SLC9C1: variants seen among roughly 807,000 people sequenced by gnomAD.
The protein encoded by SLC9C1 is solute carrier family 9 member C1.
In SLC9C1, 97 loss-of-function variants were observed where a neutral mutation model predicts 140.9. The ratio of observed to expected loss-of-function variants is 0.69; its 90% CI spans 0.58 to 0.82. The LOEUF is 0.82. Ranked by LOEUF, SLC9C1 falls within the 40% of genes least tolerant of loss-of-function variation. SLC9C1 has a pLI of 0.00. For missense variants in SLC9C1, 1,340 were observed against 1,389.3 expected, an observed-to-expected ratio of 0.96 and a Z score of 0.56; for synonymous variants, 440 against 442.6, an observed-to-expected ratio of 0.99 and a Z score of 0.07.
chr3:112,163,281 C>T (rs1266423241), intron 26 of SLC9C1, among the ~76,000 whole-genome samples: 1 of 147,018 alleles, frequency 6.8e-6, no homozygotes, highest in African/African-American at 2.5e-5. Context: ...TTCAGTTCTG[C>T]TCTGATTTTA....
At chr3:112,166,159 G>GC (rs2077130057) in intron 26 of SLC9C1, among the ~76,000 whole-genome samples, 1 of 152,174 alleles carries the variant, frequency 6.6e-6, no homozygotes, top group Non-Finnish European at 1.5e-5. Flanking sequence ...TTTTCCAGGC[G>GC]CCGTCTGTCA....
At chr3:112,228,771 G>T (rs183694412) in intron 13 of SLC9C1, among the ~76,000 whole-genome samples, 1 of 151,970 alleles carries the variant, frequency 6.6e-6, no homozygotes, top group Admixed American at 6.6e-5. Flanking sequence ...CGGTCAACAA[G>T]CACATAAAAA....
intron 16 of SLC9C1, 61 bp downstream of exon 16, chr3:112,208,117 G>T: frequency 1.5e-6 from 2 of 1,313,214 alleles, no homozygotes; most frequent in Non-Finnish European, 2.1e-6. Context: ...TGAAAAACAA[G>T]GCTAGGAAAT....
intron 28 of SLC9C1, among the ~76,000 whole-genome samples, chr3:112,150,433 G>T (rs912907381): frequency 6.6e-6 from 1 of 152,060 alleles, no homozygotes; most frequent in African/African-American, 2.4e-5. Flanking sequence ...ATATACTGGG[G>T]CTTCACTCAC....
intron 10 of SLC9C1, among the ~76,000 whole-genome samples, chr3:112,253,760 G>T (rs1023216972): frequency 6.6e-6 from 1 of 152,148 alleles, no homozygotes; most frequent in African/African-American, 2.4e-5. Context: ...CTCCGACATG[G>T]GTTCTTAACC....
intron 7 of SLC9C1, among the ~76,000 whole-genome samples, chr3:112,267,345 G>A (rs1363809576): frequency 6.6e-6 from 1 of 152,058 alleles, no homozygotes; most frequent in Non-Finnish European, 1.5e-5. Flanking sequence ...GGGAGGCCAA[G>A]GCGGGTGGAT....
intron 2 of SLC9C1, among the ~76,000 whole-genome samples, chr3:112,285,793 A>G (rs889865453): frequency 7.3e-5 from 11 of 151,644 alleles, no homozygotes; most frequent in African/African-American, 2.2e-4. Context: ...TTGAGATAGG[A>G]TCTAGCTCTG....
Position 112,202,325 on chromosome 3 carries a change from T to C in SLC9C1, c.2247A>G (p.Leu749=). 1 of 1,611,252 alleles carries C rather than the reference T, an allele frequency of 6.2e-7. No individual in the cohort carries two copies. The highest frequency in any genetic ancestry group is 8.5e-7 in the Non-Finnish European group (1 of 1,178,824). Residue 749 remains leucine (L), a synonymous_variant, in exon 18 of 29, where the codon CTA becomes CTG. Coordinates refer to ENST00000305815, the MANE Select transcript of SLC9C1 (RefSeq NM_183061.3). ...SHQKTFWYGI[L]KGYVQGEADI... is the part of the protein sequence containing the mutation. ...CTGCTTCGCCTTGGACATAGCCTTTTAGTATTCCATACCAAAAGGTCTTCT... is the reference window on the plus strand; with the variant it reads ...CTGCTTCGCCTTGGACATAGCCTTTCAGTATTCCATACCAAAAGGTCTTCT...
At chr3:112,262,882 G>A (rs1218490785) in intron 10 of SLC9C1, 42 bp downstream of exon 10, 1 of 1,475,790 alleles carries the variant, frequency 6.8e-7, no homozygotes, top group Admixed American at 2.5e-5. Context: ...CACAGTAATA[G>A]TTTTATACAA....
intron 2 of SLC9C1, among the ~76,000 whole-genome samples, chr3:112,282,971 A>G (rs1332038349): frequency 6.6e-6 from 1 of 152,206 alleles, no homozygotes; most frequent in Non-Finnish European, 1.5e-5. Flanking sequence ...AATTTTGTTT[A>G]TAGCCCTTAA....
chr3:112,158,237 G>A (rs547642047), intron 26 of SLC9C1, among the ~76,000 whole-genome samples: 1 of 152,036 alleles, frequency 6.6e-6, no homozygotes, highest in Non-Finnish European at 1.5e-5. Flanking sequence ...AAAGGATGTT[G>A]AATTTTATTG....
At chr3:112,277,330 T>C (rs1047256722) in intron 5 of SLC9C1, among the ~76,000 whole-genome samples, 12 of 152,148 alleles carry the variant, frequency 7.9e-5, no homozygotes, top group African/African-American at 2.9e-4. Context: ...CTAATGATTC[T>C]TTACAAAGGA....
Position 112,266,250 on chromosome 3 carries a change from G to T in SLC9C1, c.866C>A (p.Thr289Lys). The change falls in exon 8 of 29, where the codon ACA becomes AAA. Residue 289 changes from threonine (T) to lysine (K), a missense_variant. Thr to Lys is a moderately conservative substitution (Grantham distance 78). Coordinates refer to ENST00000305815, the MANE Select transcript of SLC9C1 (RefSeq NM_183061.3). ...GCTATCCACTTACTCAAGAAGAAGT[G>T]TTTCTTCAATTGCTGCTTTAAAACT... ...STSFKAAIEETLLLEFWTFLS... is the reference protein window; with the variant it reads ...STSFKAAIEEKLLLEFWTFLS... The T allele has an allele frequency of 6.2e-7, 1 of 1,606,716 alleles. No individual in the cohort carries two copies. The highest frequency in any genetic ancestry group is 1.1e-5 in the South Asian group (1 of 89,574).
At position 112,202,358 on chromosome 3, in the gene SLC9C1, C is replaced by T; in HGVS notation, c.2214G>A (p.Met738Ile). 3 of 1,607,376 alleles carry T rather than the reference C, an allele frequency of 1.9e-6. No individual in the cohort carries two copies. The highest frequency in any genetic ancestry group is 2.5e-6 in the Non-Finnish European group (3 of 1,176,822). The change falls in exon 18 of 29, where the codon ATG becomes ATA. Residue 738 changes from methionine (M) to isoleucine (I), a missense_variant. Transcript: ENST00000305815. ...CATACCAAAAGGTCTTCTGATGACT[C>T]ATTCTTTTATCTATTATTTGCAGCA... ...PKLLQIIDKR[M>I]SHQKTFWYGI...
chr3:112,276,838 T>C (rs889325791), intron 5 of SLC9C1, among the ~76,000 whole-genome samples: 3 of 152,020 alleles, frequency 2.0e-5, no homozygotes, highest in African/African-American at 7.2e-5. Flanking sequence ...TCTTCTAAAG[T>C]GTTATCTCAC....
chr3:112,252,637 A>AT (rs2108263230), intron 10 of SLC9C1, among the ~76,000 whole-genome samples: 1 of 151,776 alleles, frequency 6.6e-6, no homozygotes, highest in Non-Finnish European at 1.5e-5. Flanking sequence ...GTCAGCAGCA[A>AT]TTTCAGAACT....
At chr3:112,200,605 A>G in intron 19 of SLC9C1, 106 bp downstream of exon 19, 1 of 932,390 alleles carries the variant, frequency 1.1e-6, no homozygotes, top group South Asian at 1.5e-5. Context: ...CAGTATTGTT[A>G]GTGAGTAGGT....
intron 23 of SLC9C1, among the ~76,000 whole-genome samples, chr3:112,177,005 C>CTTTT (rs57879370): frequency 5.3e-4 from 55 of 104,708 alleles, no homozygotes; most frequent in Non-Finnish European, 6.1e-4. Context: ...CTCTCTCTCT[C>CTTTT]TTTTTTTTTT....
chr3:112,263,115 T>C lies in SLC9C1; in HGVS notation c.1023-17A>G, dbSNP rs748676854. 1 of 1,549,820 alleles carries C rather than the reference T, an allele frequency of 6.5e-7. No individual in the cohort carries two copies. Among genetic ancestry groups the C allele is most frequent in the African/African-American group, 1.4e-5 (1 of 72,098 alleles). ...GTCAGAAATCTAAAAGACAAAACAA[T>C]TTTTACAAAGTTATTCTTTCATATG... is the stretch of plus-strand genomic sequence containing the variant. On this transcript the variant is annotated splice_polypyrimidine_tract_variant and intron_variant, in intron 9 of 28. Coordinates refer to ENST00000305815, the MANE Select transcript of SLC9C1 (RefSeq NM_183061.3).
Sources: gnomAD v4.1 joint callset for allele counts (sites outside exome capture counted in the v4.1 genomes callset) on GRCh38, gnomAD v4.1.1 for gene constraint, MANE v1.5 for transcripts, NCBI Gene and HGNC (gene_info 2026-07-23, HGNC 2026-07-21) for gene names.